The following ZGPAT variants were observed in gnomAD, a reference collection of about 807,000 sequenced individuals.
ZGPAT encodes zinc finger CCCH-type with G patch domain-containing protein.
ZGPAT carries 39 observed loss-of-function variants against 47.9 expected under a neutral mutation model. The ratio of observed to expected loss-of-function variants is 0.81; its 90% CI spans 0.63 to 1.06. The LOEUF (loss-of-function observed/expected upper bound fraction) is 1.06. ZGPAT is among the 50% of genes least tolerant of loss of function. The probability of loss-of-function intolerance (pLI) is 0.00; values close to 1 mark genes in which losing one functional copy is unlikely to be tolerated. For missense variants in ZGPAT, 717 were observed against 681.4 expected (o/e 1.05, Z -0.58); for synonymous variants, 348 against 292.9 (o/e 1.19, Z -1.92).
At chr20:63,732,856 A>T (rs2091932785) in intron 2 of ZGPAT, among the ~76,000 whole-genome samples, 1 of 151,540 alleles carries the variant, frequency 6.6e-6, no homozygotes, top group Non-Finnish European at 1.5e-5. Context: ...GTGTGTGTAC[A>T]TGTGTATATG....
chr20:63,709,620 G>A (rs1047593608), intron 2 of ZGPAT, among the ~76,000 whole-genome samples: 24 of 152,186 alleles, frequency 1.6e-4, no homozygotes, highest in African/African-American at 5.8e-4. Flanking sequence ...CCGAGCAGCA[G>A]TGCAAGGCTT....
Position 63,733,302 on chromosome 20 carries a change from C to T in ZGPAT, c.668C>T (p.Ala223Val), listed in dbSNP as rs1347607184. ...PDLSSLQAGSACLAKHQDGLW... is the reference protein window; with the variant it reads ...PDLSSLQAGSVCLAKHQDGLW... ...CTGAGCTCCCTGCAGGCCGGCTCTGCGTGTCTGGCCAAGCACCAGGATGGC... is the reference window on the plus strand; with the variant it reads ...CTGAGCTCCCTGCAGGCCGGCTCTGTGTGTCTGGCCAAGCACCAGGATGGC... The change falls in exon 3 of 7, where the codon GCG (alanine) becomes GTG (valine). Residue 223 changes from alanine (A) to valine (V), a missense_variant. By Grantham distance (64) the Ala-to-Val change is moderately conservative (BLOSUM62 0). Transcript: ENST00000355969. 12 of 1,613,292 alleles carry T rather than the reference C, an allele frequency of 7.4e-6. No homozygotes were observed. The highest frequency in any genetic ancestry group is 2.2e-5 in the East Asian group (1 of 44,892).
At chr20:63,720,514 C>T (rs1259543871) in intron 2 of ZGPAT, among the ~76,000 whole-genome samples, 5 of 151,842 alleles carry the variant, frequency 3.3e-5, no homozygotes, top group African/African-American at 1.2e-4. Flanking sequence ...TGCAGTGGCA[C>T]AACCCTGGCA....
At position 63,731,919 on chromosome 20, in the gene ZGPAT, T is replaced by G. The variant is rs901868234; in HGVS notation, c.585-1300T>G. 2.6e-5 allele frequency among the ~76,000 whole-genome samples: 4 copies of G among 152,194 alleles called. No individual in the cohort carries two copies. The East Asian group carries it at 7.7e-4, about 29-fold the overall frequency. ...TAATCTAGGGATGATTTAAAGTACG[T>G]GGGAAGATGTGCGTAGGTTATATGC... On this transcript the variant is annotated intron_variant, in intron 2 of 6. Transcript: ENST00000355969.
chr20:63,735,551 C>T lies in ZGPAT; in HGVS notation c.1384C>T (p.Arg462Cys), dbSNP rs760288064. Reference sequence around the variant, plus strand: ...CAGGAGCATCCAGGAGGCTCTCGCCCGCAACGCTGGCCGGTACGTGTGGGG... The same window carrying T: ...CAGGAGCATCCAGGAGGCTCTCGCCTGCAACGCTGGCCGGTACGTGTGGGG... ...DIRSIQEALA[R>C]NAGRHSVASA... Residue 462 changes from arginine (R) to cysteine (C), a missense_variant, in exon 6 of 7, where the codon CGC (arginine) becomes TGC (cysteine). By Grantham distance (180) the Arg-to-Cys change is radical. Coordinates refer to ENST00000355969, the MANE Select transcript of ZGPAT (RefSeq NM_181485.3). 5.3e-5 allele frequency: 81 copies of T among 1,514,948 alleles called. No homozygotes were observed. Among genetic ancestry groups the T allele is most frequent in the Admixed American group, 6.7e-5 (3 of 44,458 alleles). 93.8% of individuals were successfully genotyped at this position (1,514,948 alleles called of 1,614,324 possible).
At position 63,709,054 on chromosome 20, in the gene ZGPAT, G is replaced by A. The variant is rs2091618269; in HGVS notation, c.474G>A (p.Ala158=). The change falls in exon 2 of 7, where the codon GCG becomes GCA. Residue 158 remains alanine (A), a synonymous_variant. Coordinates refer to ENST00000355969, the MANE Select transcript of ZGPAT (RefSeq NM_181485.3). ...HNAMVVGTEE[A]EDGSAGVRVL... is the part of the protein sequence containing the mutation. The stretch of plus-strand genomic sequence containing the variant: ...CCATGGTGGTGGGAACGGAAGAGGC[G>A]GAGGATGGCTCGGCGGGTGTCCGTG... The A allele has an allele frequency of 1.9e-6, 3 of 1,613,740 alleles. No individual in the cohort carries two copies. The highest frequency in any genetic ancestry group is 2.5e-6 in the Non-Finnish European group (3 of 1,180,018).
At chr20:63,723,496 TC>T (rs2091811347) in intron 2 of ZGPAT, among the ~76,000 whole-genome samples, 1 of 138,184 alleles carries the variant, frequency 7.2e-6, no homozygotes, top group African/African-American at 2.7e-5. Context: ...TCCTCCCTTC[TC>T]CTCTGACATA....
intron 2 of ZGPAT, among the ~76,000 whole-genome samples, chr20:63,713,033 ATAAG>A (rs773040810): frequency 1.4e-4 from 22 of 152,230 alleles, no homozygotes; most frequent in Non-Finnish European, 2.9e-4. Context: ...TCTTGGTTAA[ATAAG>A]TATTATTTTT....
intron 2 of ZGPAT, among the ~76,000 whole-genome samples, chr20:63,724,805 C>T (rs1191125062): frequency 2.0e-5 from 3 of 151,434 alleles, no homozygotes. Context: ...TCCCAAGTAG[C>T]TGAGACTGCA....
rs767197865 is a variant in ZGPAT at position 63,735,815 on chromosome 20, C to G, written c.1432C>G (p.Leu478Val). ...GGCGTCAGCCCAGCTGCAGGAGAAGCTGGCAGGAGCCCAGCGCCAGCTGGG... is the reference window on the plus strand; with the variant it reads ...GGCGTCAGCCCAGCTGCAGGAGAAGGTGGCAGGAGCCCAGCGCCAGCTGGG... ...SVASAQLQEK[L>V]AGAQRQLGQL... Residue 478 changes from leucine to valine, a missense_variant, in exon 7 of 7, where the codon CTG (leucine) becomes GTG (valine). By Grantham distance (32) the Leu-to-Val change is conservative. Coordinates refer to ENST00000355969, the MANE Select transcript of ZGPAT (RefSeq NM_181485.3). 3.1e-6 allele frequency: 5 copies of G among 1,611,236 alleles called. No individual in the cohort carries two copies. The South Asian group carries it at 5.5e-5, about 18-fold the overall frequency.
chr20:63,732,648 TAA>T (rs796288698), intron 2 of ZGPAT, among the ~76,000 whole-genome samples: 21 of 17,686 alleles, frequency 1.2e-3, no homozygotes, highest in Non-Finnish European at 1.4e-3. Flanking sequence ...GTACATGTGT[TAA>T]TGTGTGTGTA....
chr20:63,709,126 C>T lies in ZGPAT; in HGVS notation c.546C>T (p.Phe182=). ...PTHKSLKPCP[F]FLEGKCRFKE... ...ACAAGTCTCTGAAGCCGTGCCCGTTCTTCCTGGAGGGAAAGTGCCGCTTTA... is the reference window on the plus strand; with the variant it reads ...ACAAGTCTCTGAAGCCGTGCCCGTTTTTCCTGGAGGGAAAGTGCCGCTTTA... Residue 182 remains phenylalanine (F), a synonymous_variant, in exon 2 of 7, where the codon TTC becomes TTT. Transcript: ENST00000355969. 2 of 1,612,776 alleles carry T rather than the reference C, an allele frequency of 1.2e-6. No individual in the cohort carries two copies. The highest frequency in any genetic ancestry group is 1.1e-5 in the South Asian group (1 of 91,088).
chr20:63,730,536 G>A (rs180794707), intron 2 of ZGPAT, among the ~76,000 whole-genome samples: 85 of 152,328 alleles, frequency 5.6e-4, no homozygotes, highest in African/African-American at 2.0e-3. Flanking sequence ...CCAGGCTGGA[G>A]TGCAGTGACA....
chr20:63,718,430 T>G (rs746038865), intron 2 of ZGPAT, among the ~76,000 whole-genome samples: 1 of 151,978 alleles, frequency 6.6e-6, no homozygotes, highest in Non-Finnish European at 1.5e-5. Context: ...CCTCCCGGGT[T>G]CAAGTGATCC....
rs533254525 is a variant in ZGPAT, at chr20:63,713,830, C to T, written c.584+4666C>T. On this transcript the variant is annotated intron_variant, in intron 2 of 6. Transcript: ENST00000355969. ...AGGTTGCAGTGAGCTGAGATCGCGC[C>T]ATTGCACTCCAGCTTGGGGAACAAG... Among the ~76,000 whole-genome samples, 11 of 147,758 alleles carry T rather than the reference C, an allele frequency of 7.4e-5. No homozygotes were observed. In the South Asian group the frequency reaches 2.4e-3, roughly 32 times the overall value.
rs1203688447 is a variant in ZGPAT, at chr20:63,708,905, G to A, written c.325G>A (p.Ala109Thr). The change falls in exon 2 of 7, where the codon GCG becomes ACG. Residue 109 changes from alanine to threonine, a missense_variant. By Grantham distance (58) the Ala-to-Thr change is moderately conservative (BLOSUM62 0). Coordinates refer to ENST00000355969, the MANE Select transcript of ZGPAT (RefSeq NM_181485.3). Reference sequence around the variant, plus strand: ...ATCAGAGACCGTTCCTAAAGCAGAGGCGGGGCCAGAATCTGCGGCAGGTGG... The same window carrying A: ...ATCAGAGACCGTTCCTAAAGCAGAGACGGGGCCAGAATCTGCGGCAGGTGG... ...SGSETVPKAEAGPESAAGGQE... is the reference protein window; with the variant it reads ...SGSETVPKAETGPESAAGGQE... 2 of 1,611,282 alleles carry A rather than the reference G, an allele frequency of 1.2e-6. No homozygotes were observed. Among genetic ancestry groups the A allele is most frequent in the Admixed American group, 1.7e-5 (1 of 59,988 alleles).
At chr20:63,735,617 C>G (rs938691392) in intron 6 of ZGPAT, 53 bp downstream of exon 6, 3 of 1,499,830 alleles carry the variant, frequency 2.0e-6, no homozygotes, top group Non-Finnish European at 2.7e-6. Flanking sequence ...GGCCCTGCCC[C>G]CGGGATACAT....
intron 2 of ZGPAT, among the ~76,000 whole-genome samples, chr20:63,718,902 T>TA (rs562797792): frequency 2.7e-4 from 41 of 151,928 alleles, no homozygotes; most frequent in Non-Finnish European, 4.6e-4. Context: ...CTGTCTCTAC[T>TA]AAAAATACAA....
intron 2 of ZGPAT, among the ~76,000 whole-genome samples, chr20:63,719,828 C>T (rs2091769019): frequency 6.6e-6 from 1 of 151,846 alleles, no homozygotes; most frequent in African/African-American, 2.4e-5. Context: ...ACAACCTCCG[C>T]CTCCTGGGTT....
Sources: gnomAD v4.1 joint callset for allele counts (sites outside exome capture counted in the v4.1 genomes callset) on GRCh38, gnomAD v4.1.1 for gene constraint, MANE v1.5 for transcripts, NCBI Gene and HGNC (gene_info 2026-07-23, HGNC 2026-07-21) for gene names.